The following MYT1 variants were observed in gnomAD, a reference collection of about 807,000 sequenced individuals.
The protein encoded by MYT1 is myelin transcription factor 1.
Under a neutral mutation model 123.0 loss-of-function variants are expected in MYT1, and 23 were observed. The ratio of observed to expected loss-of-function variants is 0.19; its 90% CI spans 0.13 to 0.26. The LOEUF (loss-of-function observed/expected upper bound fraction) is 0.26. MYT1 is among the 10% of genes least tolerant of loss of function. The pLI, the probability that MYT1 is intolerant of heterozygous loss-of-function variation, is 1.00. For synonymous variants in MYT1, 518 were observed against 575.3 expected (o/e 0.90, Z 1.43); for missense variants, 1,125 against 1,472.5 (o/e 0.76, Z 3.86).
At chr20:64,176,917 G>C (rs1204315734) in intron 1 of MYT1, among the ~76,000 whole-genome samples, 1 of 152,222 alleles carries the variant, frequency 6.6e-6, no homozygotes, top group Admixed American at 6.5e-5. Flanking sequence ...CATTATTACT[G>C]CAGAGCAGTT....
chr20:64,208,551 A>G lies in MYT1; in HGVS notation c.1291+64A>G. On this transcript the variant is annotated intron_variant, in intron 7 of 22. Coordinates refer to ENST00000328439, the MANE Select transcript of MYT1 (RefSeq NM_004535.3). The surrounding 1 kb of genome is among the most constrained non-coding windows in gnomAD (Gnocchi z 5.4). ...TTTCACCCCTGCCCCAGGTGTGCAG[A>G]TGCAGGCTGAGAGCCCTTCTAGGAC... The G allele has an allele frequency of 2.6e-6, 4 of 1,513,906 alleles. No individual in the cohort carries two copies. The highest frequency in any genetic ancestry group is 3.5e-6 in the Non-Finnish European group (4 of 1,132,198). The allele number at this position is 1,513,906 out of a possible 1,614,324, so 93.8% of individuals were successfully genotyped here.
In MYT1 at chr20:64,232,616, C is replaced by T. The variant is rs112308193; in HGVS notation, c.2897+231C>T. Among the ~76,000 whole-genome samples the T allele has an allele frequency of 6.6e-5, 10 of 152,262 alleles. 3 individuals are homozygous for T. Among genetic ancestry groups the T allele is most frequent in the East Asian group, 3.9e-4 (2 of 5,178 alleles). On this transcript the variant is annotated intron_variant, in intron 19 of 22. Coordinates refer to ENST00000328439, the MANE Select transcript of MYT1 (RefSeq NM_004535.3). The surrounding 1 kb of genome is among the most constrained non-coding windows in gnomAD (Gnocchi z 6.9). ...CATGCGTCTCCCCTCATACGCCACCCTTCCACATCCTGATGGAGTCCTTCC... is the reference window on the plus strand; with the variant it reads ...CATGCGTCTCCCCTCATACGCCACCTTTCCACATCCTGATGGAGTCCTTCC...
rs1983722576 is a variant in MYT1 at position 64,212,832 on chromosome 20, A to G, written c.1517+694A>G. On this transcript the variant is annotated intron_variant, in intron 9 of 22. Transcript: ENST00000328439. This position sits in a 1 kb window ranked among gnomAD's most constrained non-coding sequence, Gnocchi z 6.8. ...CTCCTCCAGCCTTACCCTAAGTGCCATGGGTGGCCGTGGCCTCGGTGGGAT... is the reference window on the plus strand; with the variant it reads ...CTCCTCCAGCCTTACCCTAAGTGCCGTGGGTGGCCGTGGCCTCGGTGGGAT... Among the ~76,000 whole-genome samples the G allele has an allele frequency of 6.6e-6, 1 of 151,880 alleles. No homozygotes were observed. Among genetic ancestry groups the G allele is most frequent in the Non-Finnish European group, 1.5e-5 (1 of 67,962 alleles).
rs527760844 is a variant in MYT1 at position 64,200,218 on chromosome 20, A to G, written c.86+296A>G. ...CCTGGACTGTCACTGCGGTCCCCCA[A>G]ACCGAAAACAAGCCGCTCTCTTACC... On this transcript the variant is annotated intron_variant, in intron 4 of 22. Coordinates refer to ENST00000328439, the MANE Select transcript of MYT1 (RefSeq NM_004535.3). Among the ~76,000 whole-genome samples the G allele has an allele frequency of 4.1e-4, 62 of 152,210 alleles. 1 individual carries two copies. In the South Asian group the frequency reaches 0.012, roughly 30 times the overall value.
intron 1 of MYT1, among the ~76,000 whole-genome samples, chr20:64,180,204 TACAC>T (rs1296008734): frequency 7.2e-5 from 11 of 151,914 alleles, no homozygotes; most frequent in African/African-American, 2.4e-4. Context: ...ACACACATGC[TACAC>T]ACACACAGTT....
At position 64,217,091 on chromosome 20, in the gene MYT1, C is replaced by T. The variant is rs769980446; in HGVS notation, c.1656C>T (p.Leu552=). Residue 552 remains leucine (L), a synonymous_variant, in exon 11 of 23, where the codon CTC becomes CTT. Coordinates refer to ENST00000328439, the MANE Select transcript of MYT1 (RefSeq NM_004535.3). ...ILRPMCFVKQ[L]EVPPYGSYRP... The stretch of plus-strand genomic sequence containing the variant: ...GGCCCATGTGCTTCGTGAAGCAGCT[C>T]GAGGTCCCTCCATATGGGAGCTACC... The T allele has an allele frequency of 6.8e-6, 11 of 1,613,728 alleles. No homozygotes were observed. Among genetic ancestry groups the T allele is most frequent in the East Asian group, 4.5e-5 (2 of 44,896 alleles).
intron 18 of MYT1, among the ~76,000 whole-genome samples, chr20:64,228,409 C>T (rs1984231612): frequency 1.3e-5 from 2 of 152,200 alleles, no homozygotes; most frequent in African/African-American, 4.8e-5. Context: ...TGTCCATCCA[C>T]CCACACACCT....
chr20:64,213,395 G>A lies in MYT1; in HGVS notation c.1518-139G>A, dbSNP rs924246024. The stretch of plus-strand genomic sequence containing the variant: ...CCTGCAGAATGACAGGGTTATTCCC[G>A]GCTCTGGGCTTCTCTGGAGTTCACC... On this transcript the variant is annotated intron_variant, in intron 9 of 22. Transcript: ENST00000328439. The surrounding 1 kb of genome is among the most constrained non-coding windows in gnomAD (Gnocchi z 5.6). 4.8e-6 allele frequency: 3 copies of A among 629,046 alleles called. No homozygotes were observed. The highest frequency in any genetic ancestry group is 2.8e-6 in the Non-Finnish European group (1 of 354,620). The allele number at this position is 629,046 out of a possible 1,614,324, so 39.0% of individuals were successfully genotyped here.
chr20:64,195,396 G>GTGTA lies in MYT1; in HGVS notation c.1-3465_1-3464insGTAT, dbSNP rs1250599696. On this transcript the variant is annotated intron_variant, in intron 2 of 22. Coordinates refer to ENST00000328439, the MANE Select transcript of MYT1 (RefSeq NM_004535.3). ...TGTGTGTGTGTGTGTGTGTGTGTGT[G>GTGTA]TATACTTTTTTTTTTTTGAGACGGA... 8.9e-3 allele frequency among the ~76,000 whole-genome samples: 292 copies of GTGTA among 32,946 alleles called. 3 individuals are homozygous for GTGTA. The highest frequency in any genetic ancestry group is 0.024 in the African/African-American group (268 of 11,138). The allele number at this position is 32,946 out of a possible 152,430, so 21.6% of individuals were successfully genotyped here.
intron 19 of MYT1, among the ~76,000 whole-genome samples, chr20:64,233,161 CCTTCCCTTTCCCTCCCCT>C (rs1354432603): frequency 7.7e-6 from 1 of 129,850 alleles, no homozygotes; most frequent in African/African-American, 3.0e-5. Context: ...CTCCCTTCCT[CCTTCCCTTTCCCTCCCCT>C]CTCCCCTTTC....
At position 64,240,573 on chromosome 20, in the gene MYT1, G is replaced by A; in HGVS notation, c.*125G>A. On this transcript the variant is annotated 3_prime_UTR_variant, in exon 23 of 23. Coordinates refer to ENST00000328439, the MANE Select transcript of MYT1 (RefSeq NM_004535.3). ...TGGGGCCCGGTGTGGCCGCGGGCGG[G>A]TTTATCCAAAGGGATGGCTGGAAAT... is the stretch of plus-strand genomic sequence containing the variant. 3 of 1,372,778 alleles carry A rather than the reference G, an allele frequency of 2.2e-6. No individual in the cohort carries two copies. Among genetic ancestry groups the A allele is most frequent in the Non-Finnish European group, 2.9e-6 (3 of 1,042,624 alleles). The allele number at this position is 1,372,778 out of a possible 1,614,324, so 85.0% of individuals were successfully genotyped here.
At chr20:64,227,747 T>C (rs1466133866) in intron 17 of MYT1, 141 bp from the exon 18 acceptor site, 4 of 803,572 alleles carry the variant, frequency 5.0e-6, no homozygotes, top group Non-Finnish European at 7.8e-6. Context: ...TTCTGCTTCT[T>C]ACAACTGACC....
At position 64,219,990 on chromosome 20, in the gene MYT1, C is replaced by T; in HGVS notation, c.2241+8C>T. The stretch of plus-strand genomic sequence containing the variant: ...GAGGAGGAACCTGAGGAGGTGGGTG[C>T]AGGCGCCTGGGCAAGCAGTCAGGCG... On this transcript the variant is annotated splice_region_variant and intron_variant, in intron 13 of 22. Transcript: ENST00000328439. The T allele has an allele frequency of 6.8e-7, 1 of 1,463,728 alleles. No homozygotes were observed. The highest frequency in any genetic ancestry group is 1.4e-5 in the South Asian group (1 of 70,546). 90.7% of individuals were successfully genotyped at this position (1,463,728 alleles called of 1,614,324 possible). A position where few individuals can be genotyped will look rare whatever the true frequency, so the allele number is the denominator to read the frequency against.
chr20:64,177,476 ACCCCGGAGCAGAAG>A (rs1025740752), intron 1 of MYT1, among the ~76,000 whole-genome samples: 3 of 149,696 alleles, frequency 2.0e-5, no homozygotes, highest in Non-Finnish European at 4.4e-5. Flanking sequence ...GATGCCCCAA[ACCCCGGAGCAGAAG>A]CCCCTGTGAC....
At chr20:64,230,430 T>C (rs920456419) in intron 18 of MYT1, among the ~76,000 whole-genome samples, 8 of 152,208 alleles carry the variant, frequency 5.3e-5, no homozygotes, top group African/African-American at 1.9e-4. Flanking sequence ...GGAGAATCGC[T>C]TGAAGCCGGG....
At position 64,236,525 on chromosome 20, in the gene MYT1, T is replaced by C. The variant is rs746574168; in HGVS notation, c.2898-30T>C. ...ATGGTCGTGGTGGGTGACCCTGGGCTGGTGAATGATATGTGGCCTCTGCTT... is the reference window on the plus strand; with the variant it reads ...ATGGTCGTGGTGGGTGACCCTGGGCCGGTGAATGATATGTGGCCTCTGCTT... On this transcript the variant is annotated intron_variant, in intron 19 of 22. Coordinates refer to ENST00000328439, the MANE Select transcript of MYT1 (RefSeq NM_004535.3). The C allele has an allele frequency of 3.1e-6, 5 of 1,589,252 alleles. No homozygotes were observed. The East Asian group carries it at 6.7e-5, about 21-fold the overall frequency.
At position 64,166,050 on chromosome 20, in the gene MYT1, G is replaced by A. The variant is rs1007243873; in HGVS notation, c.-99+1311G>A. On this transcript the variant is annotated intron_variant, in intron 1 of 22. Transcript: ENST00000328439. This position sits in a 1 kb window ranked among gnomAD's most constrained non-coding sequence, Gnocchi z 4.9. ...CTGTATCCTCTACAGGGCTGACTGA[G>A]GGAGGCTCCCCTCGGCCCCCAGCCT... 1.8e-4 allele frequency among the ~76,000 whole-genome samples: 28 copies of A among 152,294 alleles called. No individual in the cohort carries two copies. The highest frequency in any genetic ancestry group is 6.7e-4 in the African/African-American group (28 of 41,556).
intron 7 of MYT1, among the ~76,000 whole-genome samples, chr20:64,209,130 G>T (rs1250173052): frequency 6.6e-6 from 1 of 152,174 alleles, no homozygotes; most frequent in Non-Finnish European, 1.5e-5. Flanking sequence ...GGGAGCAGCT[G>T]GGAAGCAGCT....
chr20:64,173,250 C>G lies in MYT1; in HGVS notation c.-99+8511C>G, dbSNP rs113457975. ...GGTCAGCCTGGCCAATTTCCCTCCC[C>G]TCCTGAGCACCGTGGGAGGGTCAGG... On this transcript the variant is annotated intron_variant, in intron 1 of 22. Transcript: ENST00000328439. 2.3e-3 allele frequency among the ~76,000 whole-genome samples: 353 copies of G among 152,292 alleles called. 1 individual carries two copies. The highest frequency in any genetic ancestry group is 7.9e-3 in the African/African-American group (330 of 41,550).
Sources: allele counts gnomAD v4.1 joint callset (sites outside exome capture counted in the v4.1 genomes callset), GRCh38; gene constraint gnomAD v4.1.1; non-coding constraint Gnocchi (gnomAD v3.1); transcripts MANE v1.5; gene names NCBI Gene and HGNC (gene_info 2026-07-23, HGNC 2026-07-21).